The following DOCK2 variants were observed in gnomAD, a reference collection of about 807,000 sequenced individuals.
The protein encoded by DOCK2 is dedicator of cytokinesis 2.
Under a neutral mutation model 248.9 loss-of-function variants are expected in DOCK2, and 87 were observed. The ratio of observed to expected loss-of-function variants is 0.35; its 90% CI spans 0.29 to 0.42. DOCK2 has a LOEUF of 0.42. DOCK2 is among the 10% of genes least tolerant of loss of function. The pLI is 1.00. For synonymous variants in DOCK2, 805 were observed against 821.6 expected (o/e 0.98, Z 0.35); for missense variants, 1,747 against 2,300.2 (o/e 0.76, Z 4.92).
intron 26 of DOCK2, among the ~76,000 whole-genome samples, chr5:169,815,407 A>T (rs1768003288): frequency 6.6e-6 from 1 of 152,120 alleles, no homozygotes; most frequent in African/African-American, 2.4e-5. Flanking sequence ...CCAAAGTTTA[A>T]AGAAGTTTGC....
chr5:169,772,187 A>C (rs1462562691), intron 25 of DOCK2, among the ~76,000 whole-genome samples: 2 of 152,214 alleles, frequency 1.3e-5, no homozygotes, highest in African/African-American at 4.8e-5. Flanking sequence ...CTGAGAGCTG[A>C]AGGATTAGGA....
chr5:169,677,017 CT>C (rs1759370200), intron 6 of DOCK2, among the ~76,000 whole-genome samples: 1 of 152,192 alleles, frequency 6.6e-6, no homozygotes, highest in African/African-American at 2.4e-5. Context: ...GAGGTAGGCA[CT>C]ATTCTCACCC....
intron 30 of DOCK2, among the ~76,000 whole-genome samples, chr5:170,002,045 T>C (rs988949859): frequency 6.6e-6 from 1 of 152,174 alleles, no homozygotes; most frequent in Non-Finnish European, 1.5e-5. Context: ...GAACTGGTCA[T>C]TGAACTGAAA....
chr5:170,028,084 C>T, intron 34 of DOCK2, 136 bp downstream of exon 34: 4 of 631,180 alleles, frequency 6.3e-6, no homozygotes, highest in Non-Finnish European at 9.8e-6. Flanking sequence ...ATTGGCAAAA[C>T]TCCATTTTTG....
chr5:169,949,976 C>T (rs1458599857), intron 27 of DOCK2, among the ~76,000 whole-genome samples: 1 of 152,078 alleles, frequency 6.6e-6, no homozygotes, highest in African/African-American at 2.4e-5. Flanking sequence ...TTCACATTTA[C>T]CAGAAAAACA....
At chr5:169,649,664 G>T (rs186769562) in intron 1 of DOCK2, among the ~76,000 whole-genome samples, 19 of 152,160 alleles carry the variant, frequency 1.2e-4, no homozygotes, top group Non-Finnish European at 1.8e-4. Context: ...GTTTGAATCC[G>T]CTTTCTGCCA....
intron 22 of DOCK2, among the ~76,000 whole-genome samples, chr5:169,733,265 A>G (rs1366128084): frequency 3.3e-5 from 5 of 151,960 alleles, no homozygotes; most frequent in Non-Finnish European, 7.4e-5. Context: ...TTTATCATAC[A>G]TATTTAACTT....
At chr5:169,829,513 C>T (rs908453809) in intron 26 of DOCK2, among the ~76,000 whole-genome samples, 5 of 152,156 alleles carry the variant, frequency 3.3e-5, no homozygotes, top group South Asian at 2.1e-4. Flanking sequence ...TTACCTGAGA[C>T]GATTGCTGCA....
chr5:169,841,487 C>T (rs932825987), intron 27 of DOCK2: 2 of 979,494 alleles, frequency 2.0e-6, no homozygotes, highest in African/African-American at 3.5e-5. Flanking sequence ...CAGTCACCAA[C>T]ATAAATGAGT....
chr5:169,845,407 A>AC (rs1304208007), intron 27 of DOCK2, among the ~76,000 whole-genome samples: 2 of 151,950 alleles, frequency 1.3e-5, no homozygotes, highest in East Asian at 3.9e-4. Flanking sequence ...CATTTAGTGG[A>AC]CCCCCCGAGG....
chr5:170,045,017 T>G (rs909470483), intron 38 of DOCK2, among the ~76,000 whole-genome samples: 5 of 152,170 alleles, frequency 3.3e-5, no homozygotes, highest in Non-Finnish European at 5.9e-5. Flanking sequence ...GAGAGAAGAA[T>G]TATCCACTAT....
rs1554098255 is a variant in DOCK2, at chr5:169,764,844, T to TTTC, written c.2554+3221_2554+3222insCTT. ...GCTCTCCATTCTGACTTTGAACGTG[T>TTTC]TTGTTGTTGTTGTTGTTGTTGTTGT... On this transcript the variant is annotated intron_variant, in intron 25 of 51. Coordinates refer to ENST00000520908, the MANE Select transcript of DOCK2 (RefSeq NM_004946.3). The surrounding 1 kb of genome is among the most constrained non-coding windows in gnomAD (Gnocchi z 4.3). Among the ~76,000 whole-genome samples, 2 of 151,068 alleles carry TTTC rather than the reference T, an allele frequency of 1.3e-5. No individual in the cohort carries two copies. Among genetic ancestry groups the TTTC allele is most frequent in the African/African-American group, 4.9e-5 (2 of 40,950 alleles).
chr5:169,651,049 G>A (rs1391072375), intron 1 of DOCK2, among the ~76,000 whole-genome samples: 3 of 152,190 alleles, frequency 2.0e-5, no homozygotes. Context: ...TTGTTCAAAA[G>A]TTGAGAGTGG....
At chr5:169,754,329 A>G (rs1473850362) in intron 23 of DOCK2, among the ~76,000 whole-genome samples, 2 of 152,078 alleles carry the variant, frequency 1.3e-5, no homozygotes, top group Non-Finnish European at 2.9e-5. Flanking sequence ...GGACAGTAAA[A>G]CCACTCTTGG....
intron 27 of DOCK2, among the ~76,000 whole-genome samples, chr5:169,971,169 G>A (rs2113763882): frequency 1.4e-5 from 2 of 145,714 alleles, no homozygotes; most frequent in African/African-American, 5.1e-5. Context: ...GGCAAGAGGT[G>A]AACAGAGGGA....
chr5:170,080,463 G>T, intron 50 of DOCK2, 180 bp downstream of exon 50: 1 of 940,010 alleles, frequency 1.1e-6, no homozygotes, highest in Non-Finnish European at 1.5e-6. Flanking sequence ...CACTTCCTGG[G>T]GGTGACACCA....
At chr5:169,790,505 A>C (rs1766268274) in intron 25 of DOCK2, among the ~76,000 whole-genome samples, 1 of 152,222 alleles carries the variant, frequency 6.6e-6, no homozygotes, top group African/African-American at 2.4e-5. Context: ...ACCTCTTGGA[A>C]CTCAATTCTC....
intron 27 of DOCK2, among the ~76,000 whole-genome samples, chr5:169,865,295 G>A (rs535209646): frequency 3.3e-5 from 5 of 152,254 alleles, no homozygotes; most frequent in South Asian, 2.1e-4. Context: ...TGAACCTGTC[G>A]CAGAGCAGGG....
At chr5:169,932,668 G>C (rs1051260773) in intron 27 of DOCK2, among the ~76,000 whole-genome samples, 3 of 151,854 alleles carry the variant, frequency 2.0e-5, no homozygotes, top group African/African-American at 7.3e-5. Context: ...CATGTAAGGA[G>C]AAAACCCAAG....
Sources: allele counts gnomAD v4.1 joint callset (sites outside exome capture counted in the v4.1 genomes callset), GRCh38; gene constraint gnomAD v4.1.1; non-coding constraint Gnocchi (gnomAD v3.1); transcripts MANE v1.5; gene names NCBI Gene and HGNC (gene_info 2026-07-23, HGNC 2026-07-21).